Variants in PLPP4 observed in about 807,000 individuals in gnomAD.
PLPP4 encodes phospholipid phosphatase 4.
PLPP4 carries 20 observed loss-of-function variants against 32.2 expected under a neutral mutation model. That is an observed-to-expected ratio of 0.62 (90% CI 0.44 to 0.90). PLPP4 has a LOEUF of 0.90. PLPP4 is among the 40% of genes least tolerant of loss of function. The pLI is 0.00. For synonymous variants in PLPP4, 127 were observed against 133.0 expected (o/e 0.95, Z 0.31); for missense variants, 257 against 353.1 (o/e 0.73, Z 2.18).
chr10:120,550,046 T>G (rs1182890035), intron 5 of PLPP4, among the ~76,000 whole-genome samples: 1 of 151,968 alleles, frequency 6.6e-6, no homozygotes, highest in East Asian at 1.9e-4. Context: ...TAGTTTTATT[T>G]GCAGATAACA....
At chr10:120,504,174 C>A (rs965823835) in intron 2 of PLPP4, among the ~76,000 whole-genome samples, 1 of 152,226 alleles carries the variant, frequency 6.6e-6, no homozygotes, top group African/African-American at 2.4e-5. Context: ...AAATTTAATT[C>A]TCTCAGCAAG....
At chr10:120,511,347 T>C (rs1845720002) in intron 2 of PLPP4, among the ~76,000 whole-genome samples, 1 of 152,168 alleles carries the variant, frequency 6.6e-6, no homozygotes, top group Non-Finnish European at 1.5e-5. Flanking sequence ...GGCAGTGACT[T>C]TCTGCTCTGG....
intron 5 of PLPP4, among the ~76,000 whole-genome samples, chr10:120,543,189 G>A (rs1307974095): frequency 1.3e-5 from 2 of 152,184 alleles, no homozygotes; most frequent in East Asian, 1.9e-4. Flanking sequence ...AGAGCCGGGG[G>A]TCCCAGGGAC....
chr10:120,536,075 CT>C (rs1847003596), intron 5 of PLPP4, among the ~76,000 whole-genome samples: 1 of 151,972 alleles, frequency 6.6e-6, no homozygotes, highest in African/African-American at 2.4e-5. Context: ...ATAGTTCATG[CT>C]TGTGAAGAAT....
chr10:120,586,559 T>C (rs1694293818), intron 6 of PLPP4, among the ~76,000 whole-genome samples: 1 of 152,148 alleles, frequency 6.6e-6, no homozygotes, highest in Non-Finnish European at 1.5e-5. Context: ...GGTTCCATGC[T>C]AATATGTTAC....
chr10:120,496,827 T>C (rs1342702753), intron 1 of PLPP4, among the ~76,000 whole-genome samples: 1 of 151,828 alleles, frequency 6.6e-6, no homozygotes, highest in Non-Finnish European at 1.5e-5. Context: ...TGTTGAGCTA[T>C]GGAAACAGAA....
At chr10:120,551,941 T>G (rs1847919157) in intron 5 of PLPP4, among the ~76,000 whole-genome samples, 1 of 152,196 alleles carries the variant, frequency 6.6e-6, no homozygotes, top group African/African-American at 2.4e-5. Context: ...TATTTGTTGC[T>G]TTCCTAACTT....
chr10:120,468,657 A>G lies in PLPP4; in HGVS notation c.56+11296A>G, dbSNP rs914445230. On this transcript the variant is annotated intron_variant, in intron 1 of 6. Coordinates refer to ENST00000398250, the MANE Select transcript of PLPP4 (RefSeq NM_001030059.3). ...TCTGTTACAGAACAAAGGAGAGGCC[A>G]ATGAAATATTCCAGGATAGGGCACT... is the stretch of plus-strand genomic sequence containing the variant. Among the ~76,000 whole-genome samples, 5 of 65,600 alleles carry G rather than the reference A, an allele frequency of 7.6e-5. 1 individual carries two copies. Among genetic ancestry groups the G allele is most frequent in the African/African-American group, 1.6e-4 (5 of 30,818 alleles). The allele number at this position is 65,600 out of a possible 152,430, so 43.0% of individuals were successfully genotyped here.
chr10:120,576,831 T>C (rs964054654), intron 6 of PLPP4, among the ~76,000 whole-genome samples: 2 of 152,208 alleles, frequency 1.3e-5, no homozygotes, highest in Non-Finnish European at 2.9e-5. Flanking sequence ...ACAGAGTCAC[T>C]GGGCCAACAA....
rs117366879 is a variant in PLPP4 at position 120,589,186 on chromosome 10, G to T, written c.617-117G>T. The T allele has an allele frequency of 1.1e-5, 10 of 920,004 alleles. No homozygotes were observed. In the East Asian group the frequency reaches 1.9e-4, roughly 18 times the overall value. The allele number at this position is 920,004 out of a possible 1,614,324, so 57.0% of individuals were successfully genotyped here. ...TTTCTTTCCTTTAGTCTTTCAGGGG[G>T]TCCTGTAAGCAAACCAGGTCCTAGA... On this transcript the variant is annotated intron_variant, in intron 6 of 6. Transcript: ENST00000398250.
intron 1 of PLPP4, among the ~76,000 whole-genome samples, chr10:120,459,242 G>A (rs1433018141): frequency 6.6e-6 from 1 of 152,178 alleles, no homozygotes; most frequent in Non-Finnish European, 1.5e-5. Context: ...GGGATCTGTT[G>A]TCACACATGG....
chr10:120,581,438 C>G (rs887456199), intron 6 of PLPP4: 1 of 347,288 alleles, frequency 2.9e-6, no homozygotes, highest in African/African-American at 2.2e-5. Context: ...GCCTTTAGAG[C>G]CTGCGTTAGC....
At chr10:120,498,241 G>T (rs1845063289) in intron 1 of PLPP4, among the ~76,000 whole-genome samples, 1 of 152,078 alleles carries the variant, frequency 6.6e-6, no homozygotes, top group Admixed American at 6.5e-5. Context: ...TTTATTTTTA[G>T]TTTGAATCCC....
intron 5 of PLPP4, among the ~76,000 whole-genome samples, chr10:120,574,168 A>ACACTCTCTCTCTCTCT (rs1849090021): frequency 4.2e-5 from 2 of 47,090 alleles, no homozygotes; most frequent in Non-Finnish European, 4.1e-5. Flanking sequence ...ACACACACAC[A>ACACTCTCTCTCTCTCT]CTCTCTCTCT....
intron 5 of PLPP4, among the ~76,000 whole-genome samples, chr10:120,547,426 A>T (rs1267208264): frequency 6.6e-6 from 1 of 152,126 alleles, no homozygotes; most frequent in Non-Finnish European, 1.5e-5. Flanking sequence ...GGACGTTGAA[A>T]ATTGTGTATG....
intron 6 of PLPP4, among the ~76,000 whole-genome samples, chr10:120,578,301 G>A (rs1441564320): frequency 6.6e-6 from 1 of 152,208 alleles, no homozygotes; most frequent in Admixed American, 6.5e-5. Flanking sequence ...GTAGGTGGAT[G>A]TTTCAGGCAG....
intron 1 of PLPP4, among the ~76,000 whole-genome samples, chr10:120,459,812 T>C (rs914185448): frequency 1.3e-5 from 2 of 152,208 alleles, no homozygotes; most frequent in Admixed American, 1.3e-4. Flanking sequence ...TCTGACTACA[T>C]TTGCTCTGCA....
At chr10:120,516,202 C>G (rs1845927823) in intron 3 of PLPP4, among the ~76,000 whole-genome samples, 1 of 152,104 alleles carries the variant, frequency 6.6e-6, no homozygotes, top group Non-Finnish European at 1.5e-5. Context: ...AAGCCAAGGA[C>G]AGAAAACAGG....
intron 5 of PLPP4, among the ~76,000 whole-genome samples, chr10:120,566,891 G>T (rs1332207585): frequency 6.6e-6 from 1 of 152,128 alleles, no homozygotes; most frequent in African/African-American, 2.4e-5. Flanking sequence ...TCTTTGGGGT[G>T]CAAGATTTAC....
Sources: gnomAD v4.1 joint callset for allele counts (sites outside exome capture counted in the v4.1 genomes callset) on GRCh38, gnomAD v4.1.1 for gene constraint, MANE v1.5 for transcripts, NCBI Gene and HGNC (gene_info 2026-07-23, HGNC 2026-07-21) for gene names.